Variants in COMMD1 observed in about 807,000 individuals in gnomAD.
COMMD1 encodes the protein copper metabolism domain containing 1.
COMMD1 carries 10 observed loss-of-function variants against 17.2 expected under a neutral mutation model. That is an observed-to-expected ratio of 0.58 (90% CI 0.36 to 0.99). The LOEUF is 0.99. Ranked by LOEUF, COMMD1 falls within the 50% of genes least tolerant of loss-of-function variation. COMMD1 has a pLI of 0.01. For missense variants in COMMD1, 270 were observed against 231.8 expected, an observed-to-expected ratio of 1.17 and a Z score of -1.07; for synonymous variants, 97 against 91.6, an observed-to-expected ratio of 1.06 and a Z score of -0.34.
At chr2:61,905,480 G>A (rs1410487325), upstream of COMMD1, among the ~76,000 whole-genome samples, 1 of 152,208 alleles carries the variant, frequency 6.6e-6, no homozygotes, top group Non-Finnish European at 1.5e-5. Context: ...GGAACCAAAC[G>A]GATATTTCCG....
chr2:62,026,876 A>G (rs546789592), intron 2 of COMMD1, among the ~76,000 whole-genome samples: 28 of 152,228 alleles, frequency 1.8e-4, no homozygotes, highest in Non-Finnish European at 3.1e-4. Flanking sequence ...ACATATGTAT[A>G]TGTGTATTCA....
At chr2:62,056,745 C>T (rs944476100) in intron 2 of COMMD1, among the ~76,000 whole-genome samples, 2 of 152,130 alleles carry the variant, frequency 1.3e-5, no homozygotes, top group Non-Finnish European at 2.9e-5. Context: ...CCACAAAAGA[C>T]CCATGAGTTG....
At chr2:61,994,073 G>C (rs1012161365) in intron 1 of COMMD1, among the ~76,000 whole-genome samples, 7 of 151,914 alleles carry the variant, frequency 4.6e-5, no homozygotes, top group Non-Finnish European at 8.8e-5. Context: ...TGCAACCTTC[G>C]CCTCCCGGGT....
intron 1 of COMMD1, among the ~76,000 whole-genome samples, chr2:61,926,447 T>C (rs1397159953): frequency 1.3e-5 from 2 of 152,174 alleles, no homozygotes; most frequent in Non-Finnish European, 2.9e-5. Flanking sequence ...TACAACTAAT[T>C]TGGTTTAAAG....
At chr2:62,017,520 A>T (rs1490226717) in intron 2 of COMMD1, among the ~76,000 whole-genome samples, 2 of 151,346 alleles carry the variant, frequency 1.3e-5, no homozygotes, top group Non-Finnish European at 2.9e-5. Flanking sequence ...ATTAAAAAAA[A>T]TTAGCAGGGC....
At position 61,940,544 on chromosome 2, in the gene COMMD1, A is replaced by C. The variant is rs144047387; in HGVS notation, c.180+34686A>C. On this transcript the variant is annotated intron_variant, in intron 1 of 2. Transcript: ENST00000311832. ...GCCAAGGGACTCAGGCCTTTTCGTC[A>C]AATTTATATCTTAATTTGCCTCAGC... is the stretch of plus-strand genomic sequence containing the variant. Among the ~76,000 whole-genome samples, 451 of 152,290 alleles carry C rather than the reference A, an allele frequency of 3.0e-3. 1 individual carries two copies. The highest frequency in any genetic ancestry group is 4.8e-3 in the Non-Finnish European group (328 of 68,022).
At chr2:62,129,702 T>C (rs1158425943) in intron 2 of COMMD1, among the ~76,000 whole-genome samples, 1 of 152,218 alleles carries the variant, frequency 6.6e-6, no homozygotes, top group Non-Finnish European at 1.5e-5. Flanking sequence ...GTCTGCCATA[T>C]GTGTTCATTC....
intron 1 of COMMD1, among the ~76,000 whole-genome samples, chr2:61,907,321 G>T (rs1231619447): frequency 6.6e-6 from 1 of 152,132 alleles, no homozygotes; most frequent in East Asian, 1.9e-4. Context: ...TGGCCAGGAT[G>T]GTTTTGATCT....
chr2:61,932,895 A>G (rs1670505390), intron 1 of COMMD1, among the ~76,000 whole-genome samples: 1 of 152,172 alleles, frequency 6.6e-6, no homozygotes, highest in South Asian at 2.1e-4. Flanking sequence ...TCTCCTGTCC[A>G]GGGATGACCA....
chr2:62,051,199 G>A (rs1156769415), intron 2 of COMMD1, among the ~76,000 whole-genome samples: 2 of 152,000 alleles, frequency 1.3e-5, no homozygotes, highest in Non-Finnish European at 2.9e-5. Context: ...GATAGGCTCA[G>A]TATATTTCAT....
chr2:62,013,475 TA>T (rs1390073690), intron 2 of COMMD1, among the ~76,000 whole-genome samples: 1 of 152,184 alleles, frequency 6.6e-6, no homozygotes, highest in Non-Finnish European at 1.5e-5. Flanking sequence ...TTTTTTATTA[TA>T]ATATGTTCCA....
intron 1 of COMMD1, among the ~76,000 whole-genome samples, chr2:61,896,392 C>T (rs1669548707): frequency 6.6e-6 from 1 of 152,068 alleles, no homozygotes; most frequent in African/African-American, 2.4e-5. Flanking sequence ...TTGAGATCAG[C>T]CTGGGCAACA....
chr2:62,130,088 C>G (rs1672984805), intron 2 of COMMD1, among the ~76,000 whole-genome samples: 1 of 150,110 alleles, frequency 6.7e-6, no homozygotes, highest in Admixed American at 6.7e-5. Context: ...GGCAGGAGAA[C>G]GGCGTGAACC....
chr2:62,062,690 C>A (rs1199241419), intron 2 of COMMD1, among the ~76,000 whole-genome samples: 1 of 151,994 alleles, frequency 6.6e-6, no homozygotes, highest in Non-Finnish European at 1.5e-5. Context: ...AAAAAAAAAT[C>A]TCTGTTCATT....
rs549719000 is a variant in COMMD1 at position 61,919,710 on chromosome 2, CAG to C, written c.180+13856_180+13857del. 1.1e-4 allele frequency among the ~76,000 whole-genome samples: 16 copies of C among 152,178 alleles called. No individual in the cohort carries two copies. In the East Asian group the frequency reaches 3.1e-3, roughly 29 times the overall value. On this transcript the variant is annotated intron_variant, in intron 1 of 2. Coordinates refer to ENST00000311832, the MANE Select transcript of COMMD1 (RefSeq NM_152516.4). ...TTGCTTCTTTTAAATGCCTTTATAA[CAG>C]AGAATTGTTTTGCTTTAAAGCTGCA...
Position 62,000,714 on chromosome 2 carries a change from C to A in COMMD1, c.194C>A (p.Ala65Glu), listed in dbSNP as rs1161123381. 4.3e-6 allele frequency: 7 copies of A among 1,613,938 alleles called. No homozygotes were observed. The African/African-American group carries it at 9.3e-5, about 22-fold the overall frequency. Residue 65 changes from alanine to glutamate, a missense_variant, in exon 2 of 3, where the codon GCA becomes GAA. Transcript: ENST00000311832. ...TCATCTTTATAGTCTATTGCGTCTG[C>A]AGACATGGATTTCAACCAGCTGGAG... ...MRGILKSIAS[A>E]DMDFNQLEAF...
chr2:61,916,814 T>G (rs1280218946), intron 1 of COMMD1, among the ~76,000 whole-genome samples: 1 of 152,230 alleles, frequency 6.6e-6, no homozygotes, highest in Non-Finnish European at 1.5e-5. Flanking sequence ...TTAGTCCATT[T>G]GTACCCAGCA....
At chr2:61,901,487 G>C (rs1024819021), upstream of COMMD1, among the ~76,000 whole-genome samples, 3 of 151,856 alleles carry the variant, frequency 2.0e-5, no homozygotes, top group Admixed American at 1.3e-4. Context: ...GGTCAGCGTG[G>C]TGGTGTGCAT....
intron 2 of COMMD1, among the ~76,000 whole-genome samples, chr2:62,019,463 C>T (rs1384764166): frequency 6.6e-6 from 1 of 152,144 alleles, no homozygotes; most frequent in Non-Finnish European, 1.5e-5. Flanking sequence ...GTGTGAGCCA[C>T]TGCACCCGGC....
Sources: allele counts gnomAD v4.1 joint callset (sites outside exome capture counted in the v4.1 genomes callset), GRCh38; gene constraint gnomAD v4.1.1; transcripts MANE v1.5; gene names NCBI Gene and HGNC (gene_info 2026-07-23, HGNC 2026-07-21).